The following HIVEP3 variants were observed in gnomAD, a reference collection of about 807,000 sequenced individuals.
The protein encoded by HIVEP3 is transcription factor HIVEP3.
A neutral mutation model predicts 152.8 loss-of-function variants in HIVEP3; 49 were observed. That is an observed-to-expected ratio of 0.32 (90% confidence interval 0.26 to 0.41). The LOEUF (loss-of-function observed/expected upper bound fraction) is 0.41. Among genes scored for constraint, HIVEP3 ranks in the 10% least tolerant of loss-of-function variants. The pLI is 1.00. For synonymous variants in HIVEP3, 1,269 were observed against 1,289.0 expected, an observed-to-expected ratio of 0.98 and a Z score of 0.33; for missense variants, 2,790 against 3,103.3, an observed-to-expected ratio of 0.90 and a Z score of 2.40.
At position 41,605,367 on chromosome 1, in the gene HIVEP3, GCA is replaced by G. The variant is rs759038416; in HGVS notation, c.-521-20051_-521-20050del. Reference sequence around the variant, plus strand: ...TTACATAGATATTACATACACACACGCACACGCGCACACACACACACACACAC... The same window carrying G: ...TTACATAGATATTACATACACACACGCACGCGCACACACACACACACACAC... On this transcript the variant is annotated intron_variant, in intron 3 of 8. Coordinates refer to ENST00000372583, the MANE Select transcript of HIVEP3 (RefSeq NM_024503.5). 9.8e-4 allele frequency among the ~76,000 whole-genome samples: 110 copies of G among 111,786 alleles called. 1 individual carries two copies. Among genetic ancestry groups the G allele is most frequent in the Non-Finnish European group, 1.6e-3 (93 of 57,406 alleles). The allele number at this position is 111,786 out of a possible 152,430, so 73.3% of individuals were successfully genotyped here. A position where few individuals can be genotyped will look rare whatever the true frequency, so the allele number is the denominator to read the frequency against.
At chr1:41,613,547 A>C (rs553428723) in intron 3 of HIVEP3, among the ~76,000 whole-genome samples, 9 of 152,382 alleles carry the variant, frequency 5.9e-5, no homozygotes, top group African/African-American at 2.2e-4. Flanking sequence ...GGAAAGCTTC[A>C]GTTAATAGTT....
Position 41,547,114 on chromosome 1 carries a change from A to C in HIVEP3, c.5208-22204T>G, listed in dbSNP as rs780791996. Among the ~76,000 whole-genome samples, 256 of 152,306 alleles carry C rather than the reference A, an allele frequency of 1.7e-3. 1 individual carries two copies. The highest frequency in any genetic ancestry group is 5.9e-3 in the African/African-American group (245 of 41,566). ...GTGGACACTGAGCTAAGAGAGGCAC[A>C]GTGACTTGCCCTCAGCCACACAGCT... On this transcript the variant is annotated intron_variant, in intron 5 of 8. Coordinates refer to ENST00000372583, the MANE Select transcript of HIVEP3 (RefSeq NM_024503.5).
intron 1 of HIVEP3, among the ~76,000 whole-genome samples, chr1:41,958,841 G>A (rs1268325853): frequency 6.6e-6 from 1 of 152,216 alleles, no homozygotes; most frequent in Admixed American, 6.5e-5. Context: ...TGGATGGTGG[G>A]TCAGGGGCTT....
intron 3 of HIVEP3, among the ~76,000 whole-genome samples, chr1:41,609,740 C>T (rs2149131675): frequency 6.6e-6 from 1 of 152,362 alleles, no homozygotes; most frequent in South Asian, 2.1e-4. Context: ...AGAACACACG[C>T]CGTTCCCAAT....
chr1:41,559,503 T>A (rs1282700991), intron 5 of HIVEP3, among the ~76,000 whole-genome samples: 1 of 152,150 alleles, frequency 6.6e-6, no homozygotes, highest in Non-Finnish European at 1.5e-5. Context: ...CCTCTCAACC[T>A]GCTTGGAATC....
rs1298987647 is a variant in HIVEP3 at position 41,579,662 on chromosome 1, G to C, written c.5061+75C>G. The C allele has an allele frequency of 4.1e-5, 62 of 1,495,424 alleles. No homozygotes were observed. In the South Asian group the frequency reaches 8.1e-4, roughly 20 times the overall value. 92.6% of individuals were successfully genotyped at this position (1,495,424 alleles called of 1,614,324 possible). A position where few individuals can be genotyped will look rare whatever the true frequency, so the allele number is the denominator to read the frequency against. ...CTCTAGTTCTGCAACTGGAACCTGA[G>C]GATACTGTGGCTTTAAAAGCTCGCC... On this transcript the variant is annotated intron_variant, in intron 4 of 8. Transcript: ENST00000372583.
chr1:41,752,797 T>C (rs541194826), intron 1 of HIVEP3, among the ~76,000 whole-genome samples: 1 of 152,258 alleles, frequency 6.6e-6, no homozygotes, highest in Non-Finnish European at 1.5e-5. Context: ...CTCTGGGTTC[T>C]ATTCAAAGCT....
At chr1:42,017,160 A>T (rs940381155) in intron 1 of HIVEP3, among the ~76,000 whole-genome samples, 9 of 152,100 alleles carry the variant, frequency 5.9e-5, no homozygotes, top group Non-Finnish European at 1.2e-4. Context: ...CTTTTCAAAG[A>T]AATTTTTTCC....
At chr1:41,541,455 G>A (rs1297285475) in intron 5 of HIVEP3, among the ~76,000 whole-genome samples, 4 of 152,132 alleles carry the variant, frequency 2.6e-5, no homozygotes, top group East Asian at 1.9e-4. Flanking sequence ...TGTTGTGGCC[G>A]TGACAGGCTG....
At chr1:41,647,690 C>T (rs960378382) in intron 2 of HIVEP3, among the ~76,000 whole-genome samples, 3 of 152,230 alleles carry the variant, frequency 2.0e-5, no homozygotes, top group African/African-American at 7.2e-5. Flanking sequence ...GGCCTGGTCA[C>T]CTCATTTCCA....
upstream of HIVEP3, among the ~76,000 whole-genome samples, chr1:41,921,913 C>A (rs1396394721): frequency 6.6e-6 from 1 of 150,752 alleles, no homozygotes; most frequent in African/African-American, 2.5e-5. Context: ...AAAAAGTGCG[C>A]ACACACACAC....
At chr1:41,618,215 C>T (rs995495795) in intron 3 of HIVEP3, among the ~76,000 whole-genome samples, 1 of 152,334 alleles carries the variant, frequency 6.6e-6, no homozygotes, top group East Asian at 1.9e-4. Context: ...GAGCCCGGAG[C>T]CACCAGGCTT....
intron 1 of HIVEP3, among the ~76,000 whole-genome samples, chr1:41,840,455 CAG>C (rs1242368494): frequency 6.6e-6 from 1 of 152,160 alleles, no homozygotes; most frequent in Non-Finnish European, 1.5e-5. Flanking sequence ...AGAAGAGGCA[CAG>C]AAGGATCCTT....
intron 1 of HIVEP3, among the ~76,000 whole-genome samples, chr1:41,887,969 A>C (rs992705506): frequency 6.6e-6 from 1 of 152,030 alleles, no homozygotes; most frequent in Non-Finnish European, 1.5e-5. Flanking sequence ...TTTCTGAGTC[A>C]GACAGTGGAG....
At chr1:41,672,481 C>T (rs573699170) in intron 2 of HIVEP3, among the ~76,000 whole-genome samples, 3 of 152,350 alleles carry the variant, frequency 2.0e-5, no homozygotes, top group African/African-American at 4.8e-5. Context: ...GTGCCTCTCC[C>T]TACCTTTCTG....
chr1:41,707,360 C>T (rs1003004875), intron 1 of HIVEP3, among the ~76,000 whole-genome samples: 4 of 152,306 alleles, frequency 2.6e-5, no homozygotes, highest in East Asian at 1.9e-4. Flanking sequence ...GACAAGATTT[C>T]GTTGTGAAAA....
intron 1 of HIVEP3, among the ~76,000 whole-genome samples, chr1:41,720,808 C>A (rs1162332462): frequency 1.3e-5 from 2 of 152,148 alleles, no homozygotes; most frequent in African/African-American, 4.8e-5. Flanking sequence ...AAATGTCCAT[C>A]CAGATGAATG....
intron 1 of HIVEP3, among the ~76,000 whole-genome samples, chr1:41,909,246 T>A (rs1644760743): frequency 6.6e-6 from 1 of 152,104 alleles, no homozygotes; most frequent in African/African-American, 2.4e-5. Flanking sequence ...AATCAAGAAG[T>A]TGTCACCAAC....
intron 2 of HIVEP3, among the ~76,000 whole-genome samples, chr1:41,691,379 A>C (rs777073570): frequency 6.6e-6 from 1 of 152,248 alleles, no homozygotes. Context: ...AACTACTGAC[A>C]TGACCATCTG....
Sources: allele counts gnomAD v4.1 joint callset (sites outside exome capture counted in the v4.1 genomes callset), GRCh38; gene constraint gnomAD v4.1.1; transcripts MANE v1.5; gene names NCBI Gene and HGNC (gene_info 2026-07-23, HGNC 2026-07-21).